SLC25A15: variants seen among roughly 807,000 people sequenced by gnomAD.
SLC25A15 encodes solute carrier family 25 member 15, also known as mitochondrial ornithine transporter 1.
Under a neutral mutation model 32.3 loss-of-function variants are expected in SLC25A15, and 24 were observed. The observed-to-expected ratio is 0.74, with a 90% confidence interval of 0.54 to 1.04. The LOEUF (loss-of-function observed/expected upper bound fraction) is 1.04. Ranked by LOEUF, SLC25A15 falls within the 50% of genes least tolerant of loss-of-function variation. The probability of loss-of-function intolerance (pLI) is 0.00; values close to 1 mark genes in which losing one functional copy is unlikely to be tolerated. For synonymous variants in SLC25A15, 132 were observed against 142.1 expected (o/e 0.93, Z 0.51); for missense variants, 317 against 374.5 (o/e 0.85, Z 1.27).
At chr13:40,791,223 G>A (rs1205044930) in intron 1 of SLC25A15, among the ~76,000 whole-genome samples, 5 of 151,976 alleles carry the variant, frequency 3.3e-5, no homozygotes, top group Non-Finnish European at 5.9e-5. Flanking sequence ...ACTGACAGTT[G>A]TGTGGCCTTG....
intron 4 of SLC25A15, 72 bp downstream of exon 4, chr13:40,805,327 T>C: frequency 1.9e-6 from 3 of 1,567,336 alleles, no homozygotes; most frequent in Non-Finnish European, 2.6e-6. Context: ...CATTTTACAT[T>C]GTACTAAAGT....
intron 2 of SLC25A15, chr13:40,798,772 A>G: frequency 1.0e-6 from 1 of 985,368 alleles, no homozygotes; most frequent in Non-Finnish European, 1.2e-6. Context: ...CTCTGACCCT[A>G]TTGCCCAGGC....
At chr13:40,791,988 C>T (rs1036927256) in intron 1 of SLC25A15, among the ~76,000 whole-genome samples, 9 of 152,142 alleles carry the variant, frequency 5.9e-5, no homozygotes, top group South Asian at 2.1e-4. Flanking sequence ...ATGGGTCACA[C>T]GGCTCCTCAG....
Position 40,799,058 on chromosome 13 carries a change from A to T in SLC25A15, c.57A>T (p.Gly19=). 6.2e-7 allele frequency: 1 copy of T among 1,614,192 alleles called. No individual in the cohort carries two copies. The highest frequency in any genetic ancestry group is 1.7e-5 in the Admixed American group (1 of 60,022). The change falls in exon 3 of 7, where the codon GGA becomes GGT. Residue 19 remains glycine, a splice_region_variant and synonymous_variant. Coordinates refer to ENST00000338625, the MANE Select transcript of SLC25A15 (RefSeq NM_014252.4). ...AAIDLTAGAA[G]GTACVLTGQP... is the part of the protein sequence containing the mutation. ...AGCAGTCATCTGTCCTGATTGCAGG[A>T]GGTACAGCATGTGTACTGACCGGGC...
intron 5 of SLC25A15, 113 bp from the exon 6 acceptor site, chr13:40,808,325 G>A (rs752335490): frequency 2.2e-6 from 2 of 894,058 alleles, no homozygotes; most frequent in Non-Finnish European, 3.7e-6. Context: ...GTATTCTGTA[G>A]CATTAGCATT....
chr13:40,792,582 CTG>C (rs1028503352), intron 1 of SLC25A15, among the ~76,000 whole-genome samples: 2 of 152,182 alleles, frequency 1.3e-5, no homozygotes, highest in Non-Finnish European at 2.9e-5. Context: ...CTATTTGTGA[CTG>C]TGTTTGTTTT....
At chr13:40,795,794 G>A (rs557548982) in intron 2 of SLC25A15, among the ~76,000 whole-genome samples, 1 of 152,202 alleles carries the variant, frequency 6.6e-6, no homozygotes, top group Non-Finnish European at 1.5e-5. Context: ...GAGTCTTGGA[G>A]TGCTGGAGCT....
Position 40,793,981 on chromosome 13 carries a change from A to G in SLC25A15, c.55+700A>G, listed in dbSNP as rs116997628. On this transcript the variant is annotated intron_variant, in intron 2 of 6. Transcript: ENST00000338625. Reference sequence around the variant, plus strand: ...TGTTGTGCAAAAATAACACCATAGCATCTCCTGGGAAACACCACTTACTGT... The same window carrying G: ...TGTTGTGCAAAAATAACACCATAGCGTCTCCTGGGAAACACCACTTACTGT... Among the ~76,000 whole-genome samples the G allele has an allele frequency of 3.4e-3, 511 of 152,338 alleles. 3 individuals carry two copies. Among genetic ancestry groups the G allele is most frequent in the Non-Finnish European group, 5.4e-3 (365 of 68,026 alleles).
intron 6 of SLC25A15, 76 bp downstream of exon 6, chr13:40,808,672 G>A: frequency 6.2e-6 from 8 of 1,295,906 alleles, no homozygotes; most frequent in East Asian, 2.4e-5. Flanking sequence ...GGTGGCTCAT[G>A]CCTGTGATCC....
rs1223450055 is a variant in SLC25A15, at chr13:40,810,320, A to G, written c.*653A>G. ...ATTACAGGTACGCGCCACCATGTCC[A>G]GCTAATTTTTTTTGGTATTTTTTGT... is the stretch of plus-strand genomic sequence containing the variant. On this transcript the variant is annotated 3_prime_UTR_variant, in exon 7 of 7. Transcript: ENST00000338625. Among the ~76,000 whole-genome samples the G allele has an allele frequency of 1.3e-5, 2 of 151,978 alleles. No homozygotes were observed. Among genetic ancestry groups the G allele is most frequent in the East Asian group, 3.9e-4 (2 of 5,188 alleles).
chr13:40,790,713 G>A (rs1241670022), intron 1 of SLC25A15, among the ~76,000 whole-genome samples: 2 of 152,084 alleles, frequency 1.3e-5, no homozygotes, highest in East Asian at 1.9e-4. Context: ...TCAGCCTCCC[G>A]AGTAGCTGGG....
intron 2 of SLC25A15, among the ~76,000 whole-genome samples, chr13:40,795,241 T>C (rs1306838124): frequency 6.6e-6 from 1 of 152,238 alleles, no homozygotes; most frequent in African/African-American, 2.4e-5. Context: ...GGCTCAGTTC[T>C]GTTTCTGCAG....
In SLC25A15 at chr13:40,799,112, G is replaced by GCAGA. The variant is rs756522093; in HGVS notation, c.113_116dup (p.Phe40AspfsTer4). ...CCTTTGACACAATGAAAGTGAAGATGCAGACGTTCCCTGACCTGTACCGGG... is the reference window on the plus strand; with the variant it reads ...CCTTTGACACAATGAAAGTGAAGATGCAGACAGACGTTCCCTGACCTGTACCGGG... On this transcript the variant is annotated frameshift_variant, in exon 3 of 7. Transcript: ENST00000338625. LOFTEE classifies it high-confidence loss of function. The GCAGA allele has an allele frequency of 4.3e-6, 7 of 1,614,208 alleles. No individual in the cohort carries two copies. In the Admixed American group the frequency reaches 1.2e-4, roughly 27 times the overall value.
At chr13:40,790,532 G>C (rs997780856) in intron 1 of SLC25A15, among the ~76,000 whole-genome samples, 9 of 152,184 alleles carry the variant, frequency 5.9e-5, no homozygotes, top group Admixed American at 4.6e-4. Context: ...GAATCTGTTA[G>C]TACCCATCAT....
At chr13:40,799,363 A>C (rs1199653704) in intron 3 of SLC25A15, 48 bp downstream of exon 3, 1 of 1,612,698 alleles carries the variant, frequency 6.2e-7, no homozygotes, top group Admixed American at 1.7e-5. Flanking sequence ...AAAACCCCAC[A>C]AAACTGGCAA....
At chr13:40,808,953 A>AAAAAAAAAC (rs1882323880) in intron 6 of SLC25A15, among the ~76,000 whole-genome samples, 1 of 150,412 alleles carries the variant, frequency 6.6e-6, no homozygotes, top group Non-Finnish European at 1.5e-5. Context: ...AAAAAAAAAA[A>AAAAAAAAAC]ATCTGAGATA....
intron 3 of SLC25A15, among the ~76,000 whole-genome samples, chr13:40,801,229 CAA>C (rs1246800749): frequency 1.7e-4 from 14 of 83,740 alleles, no homozygotes; most frequent in Non-Finnish European, 1.7e-4. Flanking sequence ...CTGTGTCTCT[CAA>C]AAAAAAAAAA....
In SLC25A15 at chr13:40,812,107, T is replaced by C. The variant is rs550905917; in HGVS notation, c.*2440T>C. On this transcript the variant is annotated 3_prime_UTR_variant, in exon 7 of 7. Coordinates refer to ENST00000338625, the MANE Select transcript of SLC25A15 (RefSeq NM_014252.4). ...GGTGCTTTATCTGAATAGGCCTGGA[T>C]CGAAGTAAAATAGAAATGGGACTGG... Among the ~76,000 whole-genome samples, 1 of 152,292 alleles carries C rather than the reference T, an allele frequency of 6.6e-6. No homozygotes were observed. The highest frequency in any genetic ancestry group is 2.1e-4 in the South Asian group (1 of 4,828).
intron 4 of SLC25A15, among the ~76,000 whole-genome samples, chr13:40,806,148 A>C (rs1364711923): frequency 6.6e-6 from 1 of 152,198 alleles, no homozygotes; most frequent in Non-Finnish European, 1.5e-5. Context: ...CTAGAAGTCC[A>C]AGAGTGTAAG....
Sources: gnomAD v4.1 joint callset for allele counts (sites outside exome capture counted in the v4.1 genomes callset) on GRCh38, gnomAD v4.1.1 for gene constraint, MANE v1.5 for transcripts, NCBI Gene and HGNC (gene_info 2026-07-23, HGNC 2026-07-21) for gene names.